Variants in COMMD10 observed in about 807,000 individuals in gnomAD.
COMMD10 encodes COMM domain-containing protein 10.
In COMMD10, 33 loss-of-function variants were observed where a neutral mutation model predicts 28.9. The observed-to-expected ratio is 1.14, with a 90% confidence interval of 0.87 to 1.53. The LOEUF (loss-of-function observed/expected upper bound fraction) is 1.53. Ranked by LOEUF, COMMD10 falls within the 40% of genes most tolerant of loss-of-function variation. The pLI, the probability that COMMD10 is intolerant of heterozygous loss-of-function variation, is 0.00. For missense variants in COMMD10, 310 were observed against 233.4 expected, an observed-to-expected ratio of 1.33 and a Z score of -2.14; for synonymous variants, 110 against 81.7, an observed-to-expected ratio of 1.35 and a Z score of -1.87.
chr5:116,109,902 A>G (rs535558354), intron 4 of COMMD10, among the ~76,000 whole-genome samples: 1 of 152,298 alleles, frequency 6.6e-6, no homozygotes, highest in African/African-American at 2.4e-5. Flanking sequence ...GACTTCCAGT[A>G]CTATGTTAAA....
intron 5 of COMMD10, among the ~76,000 whole-genome samples, chr5:116,172,963 T>C (rs1459400290): frequency 6.6e-6 from 1 of 152,176 alleles, no homozygotes; most frequent in Non-Finnish European, 1.5e-5. Flanking sequence ...CTTTTGCTCA[T>C]GTAAAGTTTA....
chr5:116,155,709 A>T (rs994507446), intron 5 of COMMD10, among the ~76,000 whole-genome samples: 1 of 151,996 alleles, frequency 6.6e-6, no homozygotes, highest in Non-Finnish European at 1.5e-5. Flanking sequence ...TTGTGATTCT[A>T]TTGCTTTCAG....
chr5:116,201,048 C>T (rs72804882), intron 5 of COMMD10, among the ~76,000 whole-genome samples: 7,992 of 152,170 alleles, frequency 0.053, 287 homozygotes, highest in East Asian at 0.14. Flanking sequence ...GTTTTTTTAT[C>T]CTTCTCCAGT....
chr5:116,159,533 A>G (rs1313519391), intron 5 of COMMD10, among the ~76,000 whole-genome samples: 3 of 152,190 alleles, frequency 2.0e-5, no homozygotes, highest in Admixed American at 6.5e-5. Context: ...TAAAAAGGAT[A>G]TTAAGGTTCC....
At chr5:116,204,182 A>G (rs1265494122) in intron 5 of COMMD10, among the ~76,000 whole-genome samples, 1 of 152,220 alleles carries the variant, frequency 6.6e-6, no homozygotes, top group Non-Finnish European at 1.5e-5. Context: ...TTCAACAAGA[A>G]GAGCTATCTA....
intron 5 of COMMD10, among the ~76,000 whole-genome samples, chr5:116,264,441 A>C (rs994400184): frequency 1.3e-5 from 2 of 151,894 alleles, no homozygotes; most frequent in African/African-American, 4.9e-5. Context: ...TTCATTTCAC[A>C]GCACCTGACA....
intron 5 of COMMD10, chr5:116,218,412 C>A (rs2112641415): frequency 2.2e-6 from 1 of 449,650 alleles, no homozygotes; most frequent in Non-Finnish European, 4.1e-6. Context: ...CCAAATCAAC[C>A]ACTCTTAATA....
At chr5:116,095,948 C>T (rs972515696) in intron 4 of COMMD10, among the ~76,000 whole-genome samples, 3 of 152,044 alleles carry the variant, frequency 2.0e-5, no homozygotes, top group African/African-American at 7.2e-5. Context: ...TTTCTGGAAT[C>T]TCTCTTTGAT....
At position 116,158,491 on chromosome 5, in the gene COMMD10, T is replaced by C. The variant is rs867812828; in HGVS notation, c.510+24313T>C. Among the ~76,000 whole-genome samples the C allele has an allele frequency of 1.0e-3, 94 of 92,932 alleles. 15 individuals carry two copies. Among genetic ancestry groups the C allele is most frequent in the East Asian group, 3.6e-3 (9 of 2,530 alleles). The allele number at this position is 92,932 out of a possible 152,430, so 61.0% of individuals were successfully genotyped here. A position where few individuals can be genotyped will look rare whatever the true frequency, so the allele number is the denominator to read the frequency against. Reference sequence around the variant, plus strand: ...CTCCCTCTCCCCTCTCTCCCTCTCCTCTCTCCCCCTCCCCCCCCTTTCTCC... The same window carrying C: ...CTCCCTCTCCCCTCTCTCCCTCTCCCCTCTCCCCCTCCCCCCCCTTTCTCC... On this transcript the variant is annotated intron_variant, in intron 5 of 6. Coordinates refer to ENST00000274458, the MANE Select transcript of COMMD10 (RefSeq NM_016144.4).
chr5:116,190,290 C>G (rs930594804), intron 5 of COMMD10, among the ~76,000 whole-genome samples: 1 of 151,942 alleles, frequency 6.6e-6, no homozygotes, highest in Non-Finnish European at 1.5e-5. Flanking sequence ...TAATTAGGAA[C>G]TGTTTGAAAG....
chr5:116,257,070 T>A (rs971649884), intron 5 of COMMD10, among the ~76,000 whole-genome samples: 1 of 151,826 alleles, frequency 6.6e-6, no homozygotes, highest in Non-Finnish European at 1.5e-5. Context: ...CTCTGTATTT[T>A]ATTTTTTTTA....
chr5:116,288,250 A>C (rs1261646799), intron 5 of COMMD10, among the ~76,000 whole-genome samples: 1 of 151,710 alleles, frequency 6.6e-6, no homozygotes, highest in Non-Finnish European at 1.5e-5. Context: ...GTTTCCTTTC[A>C]GCACTTTGAG....
At chr5:116,292,298 C>G (rs13360917) in intron 6 of COMMD10, among the ~76,000 whole-genome samples, 153 bp from the exon 7 acceptor site, 5,277 of 152,066 alleles carry the variant, frequency 0.035, 319 homozygotes, top group African/African-American at 0.12. Context: ...GAAAAATATT[C>G]TAAGTGGTAA....
At chr5:116,267,907 T>C (rs1264114292) in intron 5 of COMMD10, among the ~76,000 whole-genome samples, 1 of 151,848 alleles carries the variant, frequency 6.6e-6, no homozygotes, top group African/African-American at 2.4e-5. Flanking sequence ...TGTAGAAAGC[T>C]GAAACTGGAT....
chr5:116,291,795 A>C (rs930568871), intron 6 of COMMD10, among the ~76,000 whole-genome samples: 8 of 152,152 alleles, frequency 5.3e-5, no homozygotes, highest in Non-Finnish European at 7.3e-5. Flanking sequence ...TAATTAAAGC[A>C]ATAGGATTGT....
At chr5:116,175,532 A>G (rs1309481391) in intron 5 of COMMD10, among the ~76,000 whole-genome samples, 1 of 152,198 alleles carries the variant, frequency 6.6e-6, no homozygotes, top group Admixed American at 6.5e-5. Flanking sequence ...TTCTGAGTGT[A>G]TATTCAAAAG....
intron 3 of COMMD10, 45 bp downstream of exon 3, chr5:116,091,234 C>T: frequency 1.9e-6 from 2 of 1,039,814 alleles, no homozygotes; most frequent in Non-Finnish European, 1.5e-6. Flanking sequence ...TTGTTTACTA[C>T]ATATTTGTAT....
chr5:116,263,554 G>A (rs1750505299), intron 5 of COMMD10, among the ~76,000 whole-genome samples: 1 of 151,532 alleles, frequency 6.6e-6, no homozygotes, highest in South Asian at 2.1e-4. Context: ...CACCCTTTTA[G>A]GTCCGATAAG....
intron 5 of COMMD10, among the ~76,000 whole-genome samples, chr5:116,275,331 G>A (rs953021538): frequency 4.0e-5 from 6 of 151,710 alleles, no homozygotes; most frequent in African/African-American, 4.9e-5. Context: ...CTCTTTTGCT[G>A]GTGGGAATAT....
Sources: allele counts gnomAD v4.1 joint callset (sites outside exome capture counted in the v4.1 genomes callset), GRCh38; gene constraint gnomAD v4.1.1; transcripts MANE v1.5; gene names NCBI Gene and HGNC (gene_info 2026-07-23, HGNC 2026-07-21).